CTNNA2: variants seen among roughly 807,000 people sequenced by gnomAD.
CTNNA2 encodes catenin alpha 2.
CTNNA2 carries 42 observed loss-of-function variants against 101.0 expected under a neutral mutation model. That is an observed-to-expected ratio of 0.42 (90% CI 0.32 to 0.54). The LOEUF is 0.54. Ranked by LOEUF, CTNNA2 falls within the 20% of genes least tolerant of loss-of-function variation. The pLI is 0.14. For missense variants in CTNNA2, 871 were observed against 1,223.1 expected, an observed-to-expected ratio of 0.71 and a Z score of 4.29; for synonymous variants, 450 against 456.4, an observed-to-expected ratio of 0.99 and a Z score of 0.18.
chr2:79,923,255 G>C (rs1291417192), intron 7 of CTNNA2, among the ~76,000 whole-genome samples: 1 of 152,120 alleles, frequency 6.6e-6, no homozygotes, highest in African/African-American at 2.4e-5. Flanking sequence ...GACAATGGTA[G>C]AGGCAACAAC....
intron 3 of CTNNA2, among the ~76,000 whole-genome samples, chr2:79,775,909 A>T (rs1452225393): frequency 1.3e-5 from 2 of 152,132 alleles, no homozygotes; most frequent in Non-Finnish European, 2.9e-5. Flanking sequence ...TAATATTAGG[A>T]AGTACTTGAA....
chr2:80,514,281 G>A (rs6742713), intron 9 of CTNNA2, among the ~76,000 whole-genome samples: 76,940 of 151,962 alleles, frequency 0.51, 21,648 homozygotes, highest in African/African-American at 0.77. Flanking sequence ...AGAAGGAGCA[G>A]GCTCTGTGCA....
chr2:80,570,151 C>T (rs187144180), intron 12 of CTNNA2, among the ~76,000 whole-genome samples: 14 of 152,190 alleles, frequency 9.2e-5, no homozygotes, highest in African/African-American at 1.9e-4. Flanking sequence ...TGGGTTCAAG[C>T]GATTCTCATG....
At chr2:79,215,256 T>G (rs1262996016) in intron 2 of CTNNA2, among the ~76,000 whole-genome samples, 8 of 152,126 alleles carry the variant, frequency 5.3e-5, no homozygotes, top group Admixed American at 6.5e-5. Flanking sequence ...TTGGCCTGGT[T>G]GCCAGATTTC....
intron 18 of CTNNA2, among the ~76,000 whole-genome samples, chr2:80,625,622 A>AT (rs557979461): frequency 1.3e-5 from 2 of 151,968 alleles, no homozygotes; most frequent in Non-Finnish European, 2.9e-5. Flanking sequence ...TTGAATGCTC[A>AT]TTTTTTTCCC....
intron 7 of CTNNA2, among the ~76,000 whole-genome samples, chr2:80,096,358 G>T (rs2148829939): frequency 6.6e-6 from 1 of 152,290 alleles, no homozygotes; most frequent in African/African-American, 2.4e-5. Context: ...ATTGCACTGT[G>T]GTCTGAGAGA....
chr2:79,339,340 A>C (rs1677077555), intron 3 of CTNNA2, among the ~76,000 whole-genome samples: 1 of 152,136 alleles, frequency 6.6e-6, no homozygotes, highest in African/African-American at 2.4e-5. Context: ...GGACTAAAAG[A>C]GTCCCATTAG....
At chr2:79,922,403 T>C (rs1482995558) in intron 7 of CTNNA2, among the ~76,000 whole-genome samples, 1 of 152,158 alleles carries the variant, frequency 6.6e-6, no homozygotes, top group African/African-American at 2.4e-5. Flanking sequence ...CACACTATTA[T>C]TCCTGAAAAA....
chr2:79,351,458 G>A (rs926993845), intron 3 of CTNNA2, among the ~76,000 whole-genome samples: 2 of 151,890 alleles, frequency 1.3e-5, no homozygotes, highest in African/African-American at 4.8e-5. Flanking sequence ...TTTTACAATC[G>A]GGGGTACATG....
At chr2:80,420,081 G>C (rs1024288424) in intron 9 of CTNNA2, among the ~76,000 whole-genome samples, 56 of 142,516 alleles carry the variant, frequency 3.9e-4, no homozygotes, top group Non-Finnish European at 7.9e-4. Flanking sequence ...TCCCCAAAGA[G>C]ATGTTTGAAC....
chr2:79,334,444 G>T (rs1676947185), intron 3 of CTNNA2, among the ~76,000 whole-genome samples: 1 of 152,070 alleles, frequency 6.6e-6, no homozygotes, highest in Non-Finnish European at 1.5e-5. Flanking sequence ...GTGACACAAT[G>T]AATTACTATC....
chr2:80,291,162 G>A (rs1425508830), intron 7 of CTNNA2, among the ~76,000 whole-genome samples: 6 of 152,232 alleles, frequency 3.9e-5, no homozygotes, highest in Non-Finnish European at 1.5e-5. Flanking sequence ...TTCCTCGTGG[G>A]ATTTAGTAGA....
At chr2:80,410,723 C>T (rs1006495213) in intron 8 of CTNNA2, among the ~76,000 whole-genome samples, 2 of 152,134 alleles carry the variant, frequency 1.3e-5, no homozygotes, top group African/African-American at 2.4e-5. Flanking sequence ...TGCCCCTGCT[C>T]ATCAGAGACA....
intron 9 of CTNNA2, among the ~76,000 whole-genome samples, chr2:80,509,458 T>G (rs557049375): frequency 1.7e-4 from 26 of 152,302 alleles, no homozygotes; most frequent in Non-Finnish European, 3.5e-4. Flanking sequence ...GCTGATGCTC[T>G]TATGGTATAA....
chr2:79,751,250 G>C (rs752700806), intron 3 of CTNNA2, among the ~76,000 whole-genome samples: 27 of 152,080 alleles, frequency 1.8e-4, no homozygotes, highest in Non-Finnish European at 3.5e-4. Flanking sequence ...ATTGGAGGTT[G>C]GATAAAGAAG....
intron 2 of CTNNA2, among the ~76,000 whole-genome samples, chr2:79,241,882 G>C (rs1355012406): frequency 7.5e-6 from 1 of 133,894 alleles, no homozygotes. Context: ...TCACATTTGG[G>C]TATTTTCTTT....
chr2:80,370,229 T>C (rs568123446), intron 7 of CTNNA2, among the ~76,000 whole-genome samples: 1 of 151,354 alleles, frequency 6.6e-6, no homozygotes, highest in Admixed American at 6.6e-5. Flanking sequence ...AGCGAAAAAA[T>C]ATTGTATATG....
chr2:80,260,183 T>C (rs1020220222), intron 7 of CTNNA2, among the ~76,000 whole-genome samples: 2 of 152,220 alleles, frequency 1.3e-5, no homozygotes, highest in African/African-American at 4.8e-5. Flanking sequence ...GACTCAGCCC[T>C]GAGCCTGCAC....
intron 7 of CTNNA2, among the ~76,000 whole-genome samples, chr2:80,048,150 G>A (rs1180830908): frequency 6.6e-6 from 1 of 151,990 alleles, no homozygotes; most frequent in Non-Finnish European, 1.5e-5. Flanking sequence ...CAACAACAGA[G>A]TATCCAGTTA....
Sources: allele counts gnomAD v4.1 joint callset (sites outside exome capture counted in the v4.1 genomes callset), GRCh38; gene constraint gnomAD v4.1.1; transcripts MANE v1.5; gene names NCBI Gene and HGNC (gene_info 2026-07-23, HGNC 2026-07-21).